LGALS9: variants seen among roughly 807,000 people sequenced by gnomAD.
The protein encoded by LGALS9 is galectin-9.
In LGALS9, 26 loss-of-function variants were observed where a neutral mutation model predicts 35.9. The observed-to-expected ratio is 0.72, with a 90% CI of 0.53 to 1.01. The LOEUF is 1.01. Among genes scored for constraint, LGALS9 ranks in the 50% least tolerant of loss-of-function variants. LGALS9 has a pLI of 0.00. For synonymous variants in LGALS9, 149 were observed against 172.2 expected (o/e 0.87, Z 1.06); for missense variants, 347 against 445.8 (o/e 0.78, Z 1.99).
At chr17:27,645,696 C>T (rs1904879459) in intron 6 of LGALS9, 165 bp from the exon 7 acceptor site, 1 of 629,010 alleles carries the variant, frequency 1.6e-6, no homozygotes. Context: ...GCCCCTCGCT[C>T]ATCCCCTTGA....
intron 2 of LGALS9, chr17:27,640,248 T>TCCACTGGCACAGAAG (rs1222463259): frequency 5.0e-6 from 2 of 401,294 alleles, no homozygotes; most frequent in African/African-American, 4.1e-5. Context: ...CTTCTAGGTG[T>TCCACTGGCACAGAAG]GCTTAACAAC....
intron 6 of LGALS9, chr17:27,645,565 T>C: frequency 1.5e-6 from 1 of 678,070 alleles, no homozygotes; most frequent in Non-Finnish European, 2.4e-6. Context: ...CGGAAGACCA[T>C]GCCCCACATT....
chr17:27,640,653 C>A lies in LGALS9; in HGVS notation c.213C>A (p.Tyr71Ter). ...ACCCTCGGTTTGAAGATGGAGGGTA[C>A]GTGGTGTGCAACACGAGGCAGAACG... is the stretch of plus-strand genomic sequence containing the variant. ...HFNPRFEDGGYVVCNTRQNGS... is the reference protein window; with the variant it reads ...HFNPRFEDGG Residue 71 changes from tyrosine (Y) to a stop codon, truncating the protein, a stop_gained, in exon 3 of 11, where the codon TAC becomes TAA. Coordinates refer to ENST00000395473, the MANE Select transcript of LGALS9 (RefSeq NM_009587.3). LOFTEE classifies it high-confidence loss of function. 1 of 1,614,178 alleles carries A rather than the reference C, an allele frequency of 6.2e-7. No homozygotes were observed. The highest frequency in any genetic ancestry group is 1.1e-5 in the South Asian group (1 of 91,084).
rs756877447 is a variant in LGALS9 at position 27,645,930 on chromosome 17, G to A, written c.627+19G>A. On this transcript the variant is annotated intron_variant, in intron 7 of 10. Transcript: ENST00000395473. ...GTTCTCTGTAAGTCTACAAGTTCTG[G>A]TCAGTTCACAGCTGCACAGTGTCCT... 2.4e-5 allele frequency: 39 copies of A among 1,607,490 alleles called. No individual in the cohort carries two copies. The South Asian group carries it at 4.1e-4, about 17-fold the overall frequency.
chr17:27,642,994 G>A (rs1456733929), intron 4 of LGALS9, among the ~76,000 whole-genome samples: 2 of 152,118 alleles, frequency 1.3e-5, no homozygotes, highest in Non-Finnish European at 2.9e-5. Flanking sequence ...CTTGAGCCCA[G>A]GAATTAGAGT....
chr17:27,648,293 AGTGACTTAATTATTCT>A (rs1391090632), intron 10 of LGALS9, among the ~76,000 whole-genome samples: 5 of 152,222 alleles, frequency 3.3e-5, no homozygotes, highest in Non-Finnish European at 7.3e-5. Flanking sequence ...ACCTCGGACA[AGTGACTTAATTATTCT>A]GTGCTTCAGT....
At chr17:27,647,141 C>T (rs1567919744) in intron 9 of LGALS9, 23 bp downstream of exon 9, 1 of 1,614,210 alleles carries the variant, frequency 6.2e-7, no homozygotes, top group Non-Finnish European at 8.5e-7. Context: ...CTCCAGTGAC[C>T]TCTGGGAAGA....
intron 1 of LGALS9, among the ~76,000 whole-genome samples, chr17:27,636,882 G>C (rs2074458065): frequency 6.6e-6 from 1 of 152,040 alleles, no homozygotes; most frequent in Admixed American, 6.6e-5. Context: ...TGGAAGCTCT[G>C]CCAATACTGG....
At chr17:27,647,760 C>T (rs556376337) in intron 10 of LGALS9, among the ~76,000 whole-genome samples, 1 of 152,352 alleles carries the variant, frequency 6.6e-6, no homozygotes, top group South Asian at 2.1e-4. Context: ...TTGTCGCCTG[C>T]TTTGCGCAGG....
At chr17:27,645,993 C>G in intron 7 of LGALS9, 82 bp downstream of exon 7, 1 of 1,602,482 alleles carries the variant, frequency 6.2e-7, no homozygotes, top group Non-Finnish European at 8.5e-7. Context: ...GCCCTAGAGT[C>G]GGGAAGAAAG....
chr17:27,649,275 T>G lies in LGALS9; in HGVS notation c.*293T>G. 4.0e-6 allele frequency: 2 copies of G among 501,562 alleles called. No homozygotes were observed. Among genetic ancestry groups the G allele is most frequent in the South Asian group, 4.1e-5 (2 of 48,602 alleles). 31.1% of individuals were successfully genotyped at this position (501,562 alleles called of 1,614,324 possible). Reference sequence around the variant, plus strand: ...AGAGGGGAGGAGTGGGCAGTGAAGATGAAGCCCCATGCTCAGTCCCCTCCC... The same window carrying G: ...AGAGGGGAGGAGTGGGCAGTGAAGAGGAAGCCCCATGCTCAGTCCCCTCCC... On this transcript the variant is annotated 3_prime_UTR_variant, in exon 11 of 11. Transcript: ENST00000395473.
At chr17:27,641,500 TG>T (rs750563929) in intron 3 of LGALS9, among the ~76,000 whole-genome samples, 45 of 151,894 alleles carry the variant, frequency 3.0e-4, no homozygotes, top group African/African-American at 9.7e-4. Context: ...ATGGACAAAA[TG>T]GGGGGAAACA....
At chr17:27,631,921 A>C (rs1182514650) in intron 1 of LGALS9, among the ~76,000 whole-genome samples, 1 of 151,896 alleles carries the variant, frequency 6.6e-6, no homozygotes, top group African/African-American at 2.4e-5. Flanking sequence ...TGTGCTCTGA[A>C]GGTTGGGCAT....
At position 27,632,248 on chromosome 17, in the gene LGALS9, T is replaced by G. The variant is rs1185874371; in HGVS notation, c.39+944T>G. Among the ~76,000 whole-genome samples, 3 of 112,430 alleles carry G rather than the reference T, an allele frequency of 2.7e-5. No individual in the cohort carries two copies. The East Asian group carries it at 8.5e-4, about 32-fold the overall frequency. The allele number at this position is 112,430 out of a possible 152,430, so 73.8% of individuals were successfully genotyped here. A position where few individuals can be genotyped will look rare whatever the true frequency, so the allele number is the denominator to read the frequency against. ...GGGCTGGAGAGGGTGGGCTGATGGG[T>G]CCTTCCTGGGTGGGGAGGCAGGGTG... On this transcript the variant is annotated intron_variant, in intron 1 of 10. Transcript: ENST00000395473.
chr17:27,648,694 G>A (rs574100499), intron 10 of LGALS9, 142 bp from the exon 11 acceptor site: 181 of 1,387,406 alleles, frequency 1.3e-4, no homozygotes, highest in East Asian at 2.9e-4. Flanking sequence ...GTGAAGAGCC[G>A]TCGTTCAGTG....
At chr17:27,637,749 C>A (rs1390300225) in intron 1 of LGALS9, among the ~76,000 whole-genome samples, 1 of 152,208 alleles carries the variant, frequency 6.6e-6, no homozygotes, top group Non-Finnish European at 1.5e-5. Flanking sequence ...TTCTTCTTAA[C>A]CTCCTCGGGT....
chr17:27,634,575 G>A (rs571831772), intron 1 of LGALS9, among the ~76,000 whole-genome samples: 55 of 152,006 alleles, frequency 3.6e-4, no homozygotes, highest in Admixed American at 1.3e-3. Context: ...AACAAAAAAC[G>A]AAAACAAACA....
chr17:27,635,676 G>A (rs902670456), intron 1 of LGALS9, among the ~76,000 whole-genome samples: 17 of 151,950 alleles, frequency 1.1e-4, no homozygotes, highest in African/African-American at 1.9e-4. Flanking sequence ...TGTCCATCAC[G>A]CTCTGCCTTC....
At chr17:27,636,146 C>T (rs1319238376) in intron 1 of LGALS9, among the ~76,000 whole-genome samples, 1 of 152,142 alleles carries the variant, frequency 6.6e-6, no homozygotes, top group Non-Finnish European at 1.5e-5. Flanking sequence ...GGATGGGTTT[C>T]CCAGGGTTCT....
Sources: gnomAD v4.1 joint callset for allele counts (sites outside exome capture counted in the v4.1 genomes callset) on GRCh38, gnomAD v4.1.1 for gene constraint, MANE v1.5 for transcripts, NCBI Gene and HGNC (gene_info 2026-07-23, HGNC 2026-07-21) for gene names.